Variants in EPB41L5 observed in about 807,000 individuals in gnomAD.
EPB41L5 encodes the protein erythrocyte membrane protein band 4.1 like 5.
In EPB41L5, 55 loss-of-function variants were observed where a neutral mutation model predicts 106.6. The observed-to-expected ratio is 0.52, with a 90% CI of 0.42 to 0.65. The LOEUF (loss-of-function observed/expected upper bound fraction) is 0.65, where lower values mean the gene tolerates loss of function less well. Ranked by LOEUF, EPB41L5 falls within the 30% of genes least tolerant of loss-of-function variation. The pLI, the probability that EPB41L5 is intolerant of heterozygous loss-of-function variation, is 0.00. For synonymous variants in EPB41L5, 297 were observed against 306.7 expected (o/e 0.97, Z 0.33); for missense variants, 871 against 882.1 (o/e 0.99, Z 0.16).
chr2:120,077,625 C>G (rs1682339366), intron 9 of EPB41L5, among the ~76,000 whole-genome samples: 1 of 151,676 alleles, frequency 6.6e-6, no homozygotes, highest in South Asian at 2.1e-4. Flanking sequence ...ATTTGTTATC[C>G]TTTTTACTTC....
At chr2:120,063,874 G>A (rs1423005168) in intron 3 of EPB41L5, among the ~76,000 whole-genome samples, 4 of 151,822 alleles carry the variant, frequency 2.6e-5, no homozygotes, top group African/African-American at 7.3e-5. Context: ...CCCGGGAGGC[G>A]GAGGTTGCAG....
intron 4 of EPB41L5, 119 bp downstream of exon 4, chr2:120,073,339 C>A: frequency 1.1e-6 from 1 of 897,468 alleles, no homozygotes; most frequent in Non-Finnish European, 1.7e-6. Flanking sequence ...TTTCCATTTT[C>A]TAGAAATTAT....
intron 19 of EPB41L5, 109 bp downstream of exon 19, chr2:120,143,240 A>G: frequency 1.6e-6 from 2 of 1,235,970 alleles, no homozygotes; most frequent in South Asian, 1.9e-5. Flanking sequence ...TGGTGCAGTC[A>G]GGGAGTTAAA....
chr2:120,077,282 T>C lies in EPB41L5; in HGVS notation c.680T>C (p.Leu227Pro). Residue 227 changes from leucine (L) to proline (P), a missense_variant, in exon 9 of 25, where the codon CTA becomes CCA. By Grantham distance (98) the Leu-to-Pro change is moderately conservative. Transcript: ENST00000263713. ...AATTATCTGAATAAAGCCAAATGGC[T>C]AGAAATGTATGGGGTTGATATGCAT... ...ETNYLNKAKW[L>P]EMYGVDMHVV... 5 of 1,612,248 alleles carry C rather than the reference T, an allele frequency of 3.1e-6. No individual in the cohort carries two copies. Among genetic ancestry groups the C allele is most frequent in the Non-Finnish European group, 3.4e-6 (4 of 1,178,818 alleles).
At chr2:120,046,497 T>C (rs1160527176) in intron 3 of EPB41L5, among the ~76,000 whole-genome samples, 4 of 151,374 alleles carry the variant, frequency 2.6e-5, no homozygotes, top group African/African-American at 9.7e-5. Flanking sequence ...CACTTTTTGA[T>C]GGGGTTGTTT....
At chr2:120,166,716 G>A (rs1687428997) in intron 22 of EPB41L5, among the ~76,000 whole-genome samples, 3 of 152,226 alleles carry the variant, frequency 2.0e-5, no homozygotes, top group Non-Finnish European at 4.4e-5. Flanking sequence ...GGTTACAGGC[G>A]TGCGCCACTG....
intron 16 of EPB41L5, chr2:120,104,894 A>T: frequency 1.0e-6 from 1 of 976,482 alleles, no homozygotes; most frequent in Non-Finnish European, 1.2e-6. Context: ...TTGAATGGTT[A>T]ACTGATTAAC....
At position 120,176,034 on chromosome 2, in the gene EPB41L5, C is replaced by T. The variant is rs918446872; in HGVS notation, c.*1127C>T. On this transcript the variant is annotated 3_prime_UTR_variant, in exon 25 of 25. Coordinates refer to ENST00000263713, the MANE Select transcript of EPB41L5 (RefSeq NM_020909.4). ...GTTAGTTTAAAAGAGATCTCTAAAA[C>T]TTCCCCATCCCTTTGGGCCTGTACA... 2.7e-4 allele frequency: 41 copies of T among 152,588 alleles called. 1 individual carries two copies. Among genetic ancestry groups the T allele is most frequent in the African/African-American group, 8.0e-4 (33 of 41,432 alleles). 9.5% of individuals were successfully genotyped at this position (152,588 alleles called of 1,614,324 possible). A position where few individuals can be genotyped will look rare whatever the true frequency, so the allele number is the denominator to read the frequency against.
intron 2 of EPB41L5, among the ~76,000 whole-genome samples, chr2:120,039,001 G>T (rs1679219479): frequency 6.6e-6 from 1 of 152,148 alleles, no homozygotes; most frequent in South Asian, 2.1e-4. Flanking sequence ...AAAAAGGAAG[G>T]AAATTTTGAT....
In EPB41L5 at chr2:120,093,323, T is replaced by C. The variant is rs1307963904; in HGVS notation, c.1178+47T>C. ...AGGAATTGGTATAGAATTTGGGATT[T>C]ATGTAGTTGCTATCATTAAACAAAT... On this transcript the variant is annotated intron_variant, in intron 14 of 24. Coordinates refer to ENST00000263713, the MANE Select transcript of EPB41L5 (RefSeq NM_020909.4). 3.3e-6 allele frequency: 5 copies of C among 1,493,472 alleles called. No individual in the cohort carries two copies. In the African/African-American group the frequency reaches 6.9e-5, roughly 21 times the overall value. The allele number at this position is 1,493,472 out of a possible 1,614,324, so 92.5% of individuals were successfully genotyped here.
intron 2 of EPB41L5, among the ~76,000 whole-genome samples, chr2:120,039,129 G>C (rs1679230101): frequency 6.6e-6 from 1 of 152,108 alleles, no homozygotes; most frequent in African/African-American, 2.4e-5. Flanking sequence ...CAGATTCATA[G>C]AGACAGAAAG....
chr2:120,076,634 C>G (rs1210694088), intron 7 of EPB41L5, among the ~76,000 whole-genome samples: 1 of 151,886 alleles, frequency 6.6e-6, no homozygotes, highest in East Asian at 1.9e-4. Context: ...AGTTAATTGT[C>G]TTTTAACGAT....
At position 120,133,917 on chromosome 2, in the gene EPB41L5, G is replaced by C. The variant is rs577602286; in HGVS notation, c.1599+2202G>C. Among the ~76,000 whole-genome samples, 3 of 152,192 alleles carry C rather than the reference G, an allele frequency of 2.0e-5. No individual in the cohort carries two copies. In the South Asian group the frequency reaches 6.2e-4, roughly 32 times the overall value. On this transcript the variant is annotated intron_variant, in intron 18 of 24. Transcript: ENST00000263713. ...GTCTTGTAGCTTGGATACCAGTGTAGCCACAGTAAAACAAAGCACCAAGCA... is the reference window on the plus strand; with the variant it reads ...GTCTTGTAGCTTGGATACCAGTGTACCCACAGTAAAACAAAGCACCAAGCA...
At chr2:120,146,783 T>C (rs1257507145) in intron 20 of EPB41L5, among the ~76,000 whole-genome samples, 2 of 152,232 alleles carry the variant, frequency 1.3e-5, no homozygotes, top group South Asian at 2.1e-4. Flanking sequence ...TTTATGGCCA[T>C]TGACTTTCTT....
At chr2:120,174,296 A>G (rs1174333086) in intron 24 of EPB41L5, among the ~76,000 whole-genome samples, 1 of 152,184 alleles carries the variant, frequency 6.6e-6, no homozygotes, top group Admixed American at 6.5e-5. Flanking sequence ...TCTCTACAGA[A>G]AAATACAAAA....
chr2:120,165,022 AAG>A (rs1199876977), intron 22 of EPB41L5, 112 bp downstream of exon 22: 6 of 784,340 alleles, frequency 7.6e-6, no homozygotes, highest in African/African-American at 3.6e-5. Flanking sequence ...TTCATTTGAT[AAG>A]AGTTTATGTT....
chr2:120,065,387 C>G (rs1462270276), intron 3 of EPB41L5, among the ~76,000 whole-genome samples: 1 of 151,892 alleles, frequency 6.6e-6, no homozygotes, highest in African/African-American at 2.4e-5. Flanking sequence ...TCCTGAGTAG[C>G]TATGATTATA....
At position 120,164,918 on chromosome 2, in the gene EPB41L5, T is replaced by C. The variant is rs1687323024; in HGVS notation, c.1962+8T>C. ...CACACAGTTGCACCTCAGGTAAATA[T>C]GCTTTAAAATAGTATGATGGAAAGA... On this transcript the variant is annotated splice_region_variant and intron_variant, in intron 22 of 24. Transcript: ENST00000263713. 6.3e-7 allele frequency: 1 copy of C among 1,586,894 alleles called. No individual in the cohort carries two copies. Among genetic ancestry groups the C allele is most frequent in the East Asian group, 2.3e-5 (1 of 44,050 alleles).
chr2:120,075,401 A>G, intron 5 of EPB41L5, 75 bp from the exon 6 acceptor site: 2 of 1,074,236 alleles, frequency 1.9e-6, no homozygotes, highest in Non-Finnish European at 2.8e-6. Context: ...AATACTTCTC[A>G]AGTTAGAAGT....
Sources: allele counts gnomAD v4.1 joint callset (sites outside exome capture counted in the v4.1 genomes callset), GRCh38; gene constraint gnomAD v4.1.1; transcripts MANE v1.5; gene names NCBI Gene and HGNC (gene_info 2026-07-23, HGNC 2026-07-21).